NXPH2: variants seen among roughly 807,000 people sequenced by gnomAD.
NXPH2 encodes the protein neurexophilin-2.
A neutral mutation model predicts 19.8 loss-of-function variants in NXPH2; 5 were observed. The ratio of observed to expected loss-of-function variants is 0.25; its 90% CI spans 0.13 to 0.53. The LOEUF (loss-of-function observed/expected upper bound fraction) is 0.53, where lower values mean the gene tolerates loss of function less well. NXPH2 is among the 20% of genes least tolerant of loss of function. The pLI, the probability that NXPH2 is intolerant of heterozygous loss-of-function variation, is 0.96. For synonymous variants in NXPH2, 154 were observed against 127.4 expected (o/e 1.21, Z -1.41); for missense variants, 289 against 322.8 (o/e 0.90, Z 0.80).
chr2:138,768,113 T>C (rs1191848882), intron 1 of NXPH2, among the ~76,000 whole-genome samples: 2 of 152,248 alleles, frequency 1.3e-5, no homozygotes, highest in African/African-American at 4.8e-5. Flanking sequence ...ACAATATCTT[T>C]TTGACTCTCT....
chr2:138,699,596 G>T (rs1056344524), intron 1 of NXPH2, among the ~76,000 whole-genome samples: 3 of 152,106 alleles, frequency 2.0e-5, no homozygotes. Flanking sequence ...GGTTAAAGAA[G>T]CAAGTAGGTT....
intron 1 of NXPH2, among the ~76,000 whole-genome samples, chr2:138,759,223 C>T (rs1169680660): frequency 6.6e-6 from 1 of 152,062 alleles, no homozygotes; most frequent in Non-Finnish European, 1.5e-5. Context: ...GTTTTAGTAT[C>T]CTTTATGAAG....
At chr2:138,719,511 G>A (rs1015039537) in intron 1 of NXPH2, among the ~76,000 whole-genome samples, 2 of 152,006 alleles carry the variant, frequency 1.3e-5, no homozygotes, top group African/African-American at 2.4e-5. Flanking sequence ...AATTACAAAG[G>A]TAATTTTCTT....
intron 1 of NXPH2, among the ~76,000 whole-genome samples, chr2:138,734,414 T>C (rs930068661): frequency 3.3e-5 from 5 of 152,194 alleles, no homozygotes; most frequent in Admixed American, 1.3e-4. Flanking sequence ...ATTTCTGTTG[T>C]CTCATGCATA....
intron 1 of NXPH2, among the ~76,000 whole-genome samples, chr2:138,752,262 C>CGGTGG (rs1037342366): frequency 2.6e-5 from 4 of 152,026 alleles, no homozygotes; most frequent in Non-Finnish European, 4.4e-5. Flanking sequence ...AACACTGTCC[C>CGGTGG]GGTGGGGTTG....
chr2:138,699,330 A>G (rs1168324895), intron 1 of NXPH2, among the ~76,000 whole-genome samples: 1 of 152,154 alleles, frequency 6.6e-6, no homozygotes, highest in East Asian at 1.9e-4. Context: ...GCAAAGAGGA[A>G]GGCTTTTTTC....
chr2:138,700,447 A>G (rs1191943339), intron 1 of NXPH2, among the ~76,000 whole-genome samples: 1 of 152,222 alleles, frequency 6.6e-6, no homozygotes, highest in African/African-American at 2.4e-5. Flanking sequence ...AAGCCACATA[A>G]ATATTTAATG....
chr2:138,755,654 A>G (rs1329255703), intron 1 of NXPH2, among the ~76,000 whole-genome samples: 1 of 152,098 alleles, frequency 6.6e-6, no homozygotes, highest in African/African-American at 2.4e-5. Context: ...TGGATATTCT[A>G]GGTATTGGAC....
chr2:138,669,499 T>C lies in NXPH2; in HGVS notation c.*1423A>G, dbSNP rs942083929. 6.6e-5 allele frequency among the ~76,000 whole-genome samples: 10 copies of C among 152,188 alleles called. No individual in the cohort carries two copies. Among genetic ancestry groups the C allele is most frequent in the Non-Finnish European group, 1.5e-5 (1 of 68,008 alleles). On this transcript the variant is annotated 3_prime_UTR_variant, in exon 2 of 2. Transcript: ENST00000272641. ...AAATGAAGATAGAGAACAGAGCTCT[T>C]GGTTTTTTGAACAGTGTGGTAAGAG...
In NXPH2 at chr2:138,713,911, T is replaced by G. The variant is rs946187194; in HGVS notation, c.52-42246A>C. Among the ~76,000 whole-genome samples, 4 of 151,802 alleles carry G rather than the reference T, an allele frequency of 2.6e-5. No homozygotes were observed. In the South Asian group the frequency reaches 8.3e-4, roughly 32 times the overall value. On this transcript the variant is annotated intron_variant, in intron 1 of 1. Transcript: ENST00000272641. ...TTGCTAGATAAATATTAGTTCCTAT[T>G]GGCACATTCCTATTCAGTGCACCAC... is the stretch of plus-strand genomic sequence containing the variant.
At chr2:138,742,484 A>G (rs879566605) in intron 1 of NXPH2, among the ~76,000 whole-genome samples, 9 of 152,212 alleles carry the variant, frequency 5.9e-5, no homozygotes, top group Non-Finnish European at 1.3e-4. Context: ...TGTATTTCTG[A>G]CAGGAATTTT....
At chr2:138,757,080 A>G (rs1681920799) in intron 1 of NXPH2, among the ~76,000 whole-genome samples, 1 of 152,188 alleles carries the variant, frequency 6.6e-6, no homozygotes, top group African/African-American at 2.4e-5. Flanking sequence ...CTGAGAAAGG[A>G]AGCCAGCAGT....
Position 138,729,162 on chromosome 2 carries a change from G to A in NXPH2, c.51+51029C>T, listed in dbSNP as rs4450540. Among the ~76,000 whole-genome samples the A allele has an allele frequency of 5.8e-3, 889 of 152,206 alleles. 15 individuals are homozygous for A. The highest frequency in any genetic ancestry group is 0.039 in the East Asian group (200 of 5,168). ...TTAGTGCCTGATACGGTTTGGCTGT[G>A]TCCCCACCCAAATCTCATCTTGAAT... On this transcript the variant is annotated intron_variant, in intron 1 of 1. Coordinates refer to ENST00000272641, the MANE Select transcript of NXPH2 (RefSeq NM_007226.3).
chr2:138,699,903 G>C (rs767628718), intron 1 of NXPH2, among the ~76,000 whole-genome samples: 8 of 152,192 alleles, frequency 5.3e-5, no homozygotes, highest in Non-Finnish European at 1.2e-4. Flanking sequence ...TATAAGTCGA[G>C]GCTTGTGTGT....
Position 138,679,116 on chromosome 2 carries a change from G to T in NXPH2, c.52-7451C>A, listed in dbSNP as rs72986852. On this transcript the variant is annotated intron_variant, in intron 1 of 1. Coordinates refer to ENST00000272641, the MANE Select transcript of NXPH2 (RefSeq NM_007226.3). Reference sequence around the variant, plus strand: ...TACATGTTGGGTTGAATCCTGAACCGCAAAGGGAAGAGATTTCTCCACACT... The same window carrying T: ...TACATGTTGGGTTGAATCCTGAACCTCAAAGGGAAGAGATTTCTCCACACT... 3.5e-3 allele frequency among the ~76,000 whole-genome samples: 534 copies of T among 152,248 alleles called. 3 individuals are homozygous for T. Among genetic ancestry groups the T allele is most frequent in the African/African-American group, 8.7e-3 (361 of 41,536 alleles).
At chr2:138,737,428 C>T (rs1267390712) in intron 1 of NXPH2, among the ~76,000 whole-genome samples, 2 of 152,134 alleles carry the variant, frequency 1.3e-5, no homozygotes, top group Admixed American at 6.6e-5. Flanking sequence ...ATCATGAGAA[C>T]AGTATGAAAG....
At chr2:138,768,657 C>T (rs904382378) in intron 1 of NXPH2, among the ~76,000 whole-genome samples, 1 of 152,196 alleles carries the variant, frequency 6.6e-6, no homozygotes, top group African/African-American at 2.4e-5. Flanking sequence ...TTTCTGTGAG[C>T]TGCCCCATTT....
At chr2:138,707,832 G>GA (rs1258670549) in intron 1 of NXPH2, among the ~76,000 whole-genome samples, 2 of 152,040 alleles carry the variant, frequency 1.3e-5, no homozygotes, top group Non-Finnish European at 2.9e-5. Flanking sequence ...TCTAGCCTGA[G>GA]ATCCTTTTGA....
chr2:138,738,593 A>G (rs1681590093), intron 1 of NXPH2, among the ~76,000 whole-genome samples: 1 of 152,184 alleles, frequency 6.6e-6, no homozygotes, highest in African/African-American at 2.4e-5. Flanking sequence ...AATCACTTCA[A>G]TGCTCATTAT....
Sources: allele counts gnomAD v4.1 joint callset (sites outside exome capture counted in the v4.1 genomes callset), GRCh38; gene constraint gnomAD v4.1.1; transcripts MANE v1.5; gene names NCBI Gene and HGNC (gene_info 2026-07-23, HGNC 2026-07-21).